HMGA2: variants seen among roughly 807,000 people sequenced by gnomAD.
HMGA2 encodes the protein high mobility group AT-hook 2.
A neutral mutation model predicts 19.1 loss-of-function variants in HMGA2; 8 were observed. The ratio of observed to expected loss-of-function variants is 0.42; its 90% CI spans 0.25 to 0.76. HMGA2 has a LOEUF of 0.76. Ranked by LOEUF, HMGA2 falls within the 30% of genes least tolerant of loss-of-function variation. HMGA2 has a pLI of 0.28. For synonymous variants in HMGA2, 60 were observed against 48.8 expected (o/e 1.23, Z -0.96); for missense variants, 109 against 136.3 (o/e 0.80, Z 1.00).
At chr12:65,844,691 A>T (rs1871160359) in intron 3 of HMGA2, among the ~76,000 whole-genome samples, 1 of 152,236 alleles carries the variant, frequency 6.6e-6, no homozygotes, top group African/African-American at 2.4e-5. Flanking sequence ...TTGGTCAGCC[A>T]GTTCATCCAG....
intron 3 of HMGA2, chr12:65,866,771 C>T: frequency 2.2e-6 from 1 of 453,622 alleles, no homozygotes. Context: ...TTCAGCAGTG[C>T]CAACTTTAAA....
At chr12:65,869,690 C>T (rs1316525569) in intron 3 of HMGA2, among the ~76,000 whole-genome samples, 1 of 152,146 alleles carries the variant, frequency 6.6e-6, no homozygotes, top group Non-Finnish European at 1.5e-5. Flanking sequence ...TAAACACAAT[C>T]CTGTTTAATA....
chr12:65,852,381 T>C (rs1259210215), intron 3 of HMGA2, among the ~76,000 whole-genome samples: 2 of 152,098 alleles, frequency 1.3e-5, no homozygotes, highest in Non-Finnish European at 2.9e-5. Flanking sequence ...CGCGCTGCTG[T>C]AATCCCAGCT....
chr12:65,847,871 C>T (rs1871294491), intron 3 of HMGA2, among the ~76,000 whole-genome samples: 2 of 152,010 alleles, frequency 1.3e-5, no homozygotes, highest in Admixed American at 1.3e-4. Flanking sequence ...AAAGGATGGC[C>T]TTTGAATTTT....
Position 65,828,062 on chromosome 12 carries a change from A to G in HMGA2, c.173A>G (p.Lys58Arg). ...PRGRPKGSKN[K>R]SPSKAAQKKA... ...GGAAGACCCAAAGGCAGCAAAAACA[A>G]GAGTCCCTCTAAAGCAGCTCAAAAG... Residue 58 changes from lysine (K) to arginine (R), a missense_variant, in exon 2 of 5, where the codon AAG becomes AGG. Physicochemically the swap from Lys to Arg is conservative, Grantham distance 26. Transcript: ENST00000403681. 6.2e-7 allele frequency: 1 copy of G among 1,613,776 alleles called. No individual in the cohort carries two copies. The highest frequency in any genetic ancestry group is 8.5e-7 in the Non-Finnish European group (1 of 1,179,714).
chr12:65,884,971 A>G (rs910695828), intron 3 of HMGA2, among the ~76,000 whole-genome samples: 8 of 152,300 alleles, frequency 5.3e-5, no homozygotes, highest in Non-Finnish European at 8.8e-5. Flanking sequence ...CTTCCAATTG[A>G]TTCTATTTTA....
intron 3 of HMGA2, among the ~76,000 whole-genome samples, chr12:65,909,432 A>G (rs1302812367): frequency 6.6e-6 from 1 of 152,018 alleles, no homozygotes; most frequent in Non-Finnish European, 1.5e-5. Flanking sequence ...CCTAATTTCC[A>G]TTTAATCTTT....
At chr12:65,838,429 G>A in intron 2 of HMGA2, 90 bp from the exon 3 acceptor site, 13 of 953,216 alleles carry the variant, frequency 1.4e-5, no homozygotes, top group Admixed American at 4.2e-5. Flanking sequence ...CTGCAAAGCA[G>A]AACATTCTTA....
intron 3 of HMGA2, among the ~76,000 whole-genome samples, chr12:65,890,726 TC>T (rs1286504366): frequency 6.8e-6 from 1 of 147,634 alleles, no homozygotes; most frequent in Non-Finnish European, 1.5e-5. Context: ...TTCAGTATAT[TC>T]TTTTTTTTTT....
chr12:65,951,775 C>A lies in HMGA2; in HGVS notation c.282+360C>A, dbSNP rs1055561025. The A allele has an allele frequency of 2.6e-5, 5 of 191,590 alleles. No individual in the cohort carries two copies. The Admixed American group carries it at 2.9e-4, about 11-fold the overall frequency. 11.9% of individuals were successfully genotyped at this position (191,590 alleles called of 1,614,324 possible). A position where few individuals can be genotyped will look rare whatever the true frequency, so the allele number is the denominator to read the frequency against. Reference sequence around the variant, plus strand: ...CAACTGACTGTCTATATTCTGTTGACACCAGACTTATATTTAATGATTCAT... The same window carrying A: ...CAACTGACTGTCTATATTCTGTTGAAACCAGACTTATATTTAATGATTCAT... On this transcript the variant is annotated intron_variant, in intron 4 of 4. Transcript: ENST00000403681.
At chr12:65,842,367 T>C (rs1592379618) in intron 3 of HMGA2, 1 of 619,368 alleles carries the variant, frequency 1.6e-6, no homozygotes, top group Admixed American at 2.7e-5. Context: ...ATGATTAATT[T>C]CACTGTACAC....
intron 3 of HMGA2, among the ~76,000 whole-genome samples, chr12:65,870,164 G>A (rs1872638673): frequency 6.6e-6 from 1 of 151,988 alleles, no homozygotes; most frequent in Non-Finnish European, 1.5e-5. Flanking sequence ...TCAGTCTAGG[G>A]GTAGATATGC....
At chr12:65,877,830 A>G (rs1394202648) in intron 3 of HMGA2, among the ~76,000 whole-genome samples, 1 of 151,970 alleles carries the variant, frequency 6.6e-6, no homozygotes, top group Non-Finnish European at 1.5e-5. Context: ...AAAAATTAAT[A>G]GATTAAATTA....
Position 65,840,711 on chromosome 12 carries a change from C to G in HMGA2, c.249+2142C>G, listed in dbSNP as rs571134117. Among the ~76,000 whole-genome samples the G allele has an allele frequency of 1.9e-4, 29 of 152,210 alleles. 1 individual carries two copies. The highest frequency in any genetic ancestry group is 7.0e-4 in the African/African-American group (29 of 41,534). ...AGCATCAGAACTCTGAAAGGACATC[C>G]CATACCATTGAACTAATTAATAAGA... On this transcript the variant is annotated intron_variant, in intron 3 of 4. Coordinates refer to ENST00000403681, the MANE Select transcript of HMGA2 (RefSeq NM_003483.6).
At position 65,838,538 on chromosome 12, in the gene HMGA2, A is replaced by G. The variant is rs1187672823; in HGVS notation, c.218A>G (p.Glu73Gly). 2 of 1,611,650 alleles carry G rather than the reference A, an allele frequency of 1.2e-6. No individual in the cohort carries two copies. The highest frequency in any genetic ancestry group is 1.7e-6 in the Non-Finnish European group (2 of 1,178,306). ...TTGCAGAAAGCAGAAGCCACTGGAG[A>G]AAAACGGCCAAGAGGCAGACCTAGG... Reference protein sequence around the residue: ...AAQKKAEATGEKRPRGRPRKW... With the variant: ...AAQKKAEATGGKRPRGRPRKW... The change falls in exon 3 of 5, where the codon GAA becomes GGA. Residue 73 changes from glutamate (E) to glycine (G), a missense_variant. Transcript: ENST00000403681.
chr12:65,865,801 ATTT>A (rs777343534), intron 3 of HMGA2, among the ~76,000 whole-genome samples: 1 of 142,748 alleles, frequency 7.0e-6, no homozygotes, highest in Admixed American at 7.0e-5. Flanking sequence ...CGCCCGGCTA[ATTT>A]TTTTTTTTTT....
intron 3 of HMGA2, among the ~76,000 whole-genome samples, chr12:65,896,243 A>G (rs1874125250): frequency 6.6e-6 from 1 of 152,196 alleles, no homozygotes; most frequent in Non-Finnish European, 1.5e-5. Context: ...GCTCCAGAAT[A>G]CCGCCCAACT....
intron 3 of HMGA2, among the ~76,000 whole-genome samples, chr12:65,873,649 A>G (rs1872822020): frequency 6.6e-6 from 1 of 152,210 alleles, no homozygotes; most frequent in African/African-American, 2.4e-5. Context: ...ATGTGTATAC[A>G]TATATGTATG....
intron 3 of HMGA2, among the ~76,000 whole-genome samples, chr12:65,917,315 G>A (rs576985034): frequency 5.9e-5 from 9 of 152,274 alleles, no homozygotes; most frequent in East Asian, 3.9e-4. Context: ...TCCCTGGAAC[G>A]GGATTGCCGC....
Sources: gnomAD v4.1 joint callset for allele counts (sites outside exome capture counted in the v4.1 genomes callset) on GRCh38, gnomAD v4.1.1 for gene constraint, MANE v1.5 for transcripts, NCBI Gene and HGNC (gene_info 2026-07-23, HGNC 2026-07-21) for gene names.